The following PPP4R3B variants were observed in gnomAD, a reference collection of about 807,000 sequenced individuals.
PPP4R3B encodes the protein protein phosphatase 4 regulatory subunit 3B.
A neutral mutation model predicts 95.4 loss-of-function variants in PPP4R3B; 52 were observed. The ratio of observed to expected loss-of-function variants is 0.54; its 90% CI spans 0.44 to 0.69. PPP4R3B has a LOEUF of 0.69. Among genes scored for constraint, PPP4R3B ranks in the 30% least tolerant of loss-of-function variants. The pLI is 0.00. For synonymous variants in PPP4R3B, 407 were observed against 343.9 expected (o/e 1.18, Z -2.03); for missense variants, 1,003 against 1,005.9 (o/e 1.00, Z 0.04).
chr2:55,550,156 A>G, intron 16 of PPP4R3B, 150 bp from the exon 17 acceptor site: 2 of 624,924 alleles, frequency 3.2e-6, no homozygotes, highest in Non-Finnish European at 5.5e-6. Flanking sequence ...AACTGCTTGA[A>G]ATTATGAACG....
At chr2:55,570,401 TAAG>T (rs1188814106) in intron 12 of PPP4R3B, among the ~76,000 whole-genome samples, 9 of 152,186 alleles carry the variant, frequency 5.9e-5, no homozygotes, top group East Asian at 1.9e-4. Flanking sequence ...GAGTAATGAA[TAAG>T]AAGTACAACT....
rs1248285433 is a variant in PPP4R3B at position 55,564,345 on chromosome 2, T to G, written c.2228A>C (p.Asp743Ala). Residue 743 changes from aspartate (D) to alanine (A), a missense_variant, in exon 15 of 17, where the codon GAT (aspartate) becomes GCT (alanine). Transcript: ENST00000616407. ...AGTCTCCATAAACTTTTCATAATTATCTGGAAAATCATCTTCTGGCTTAGG... is the reference window on the plus strand; with the variant it reads ...AGTCTCCATAAACTTTTCATAATTAGCTGGAAAATCATCTTCTGGCTTAGG... The part of the protein sequence containing the change: ...EKPKPEDDFP[D>A]NYEKFMETKK... 3 of 1,613,278 alleles carry G rather than the reference T, an allele frequency of 1.9e-6. No homozygotes were observed. In the East Asian group the frequency reaches 6.7e-5, roughly 36 times the overall value.
At chr2:55,557,244 G>C (rs557504623) in intron 16 of PPP4R3B, among the ~76,000 whole-genome samples, 11 of 152,336 alleles carry the variant, frequency 7.2e-5, no homozygotes, top group Non-Finnish European at 1.2e-4. Flanking sequence ...TTAGGCTGGA[G>C]TGCAGTGGCA....
At chr2:55,565,861 A>C (rs1687228672) in intron 13 of PPP4R3B, 1 of 154,974 alleles carries the variant, frequency 6.5e-6, no homozygotes, top group Non-Finnish European at 1.4e-5. Context: ...ACAGAAGAAG[A>C]AAAAACAACA....
chr2:55,606,933 T>G (rs1452035203), intron 2 of PPP4R3B, among the ~76,000 whole-genome samples: 1 of 152,172 alleles, frequency 6.6e-6, no homozygotes, highest in African/African-American at 2.4e-5. Context: ...CTTTGTCCCA[T>G]GGTTGACAGT....
At chr2:55,597,004 T>C (rs1252531114) in intron 4 of PPP4R3B, among the ~76,000 whole-genome samples, 1 of 152,036 alleles carries the variant, frequency 6.6e-6, no homozygotes, top group Non-Finnish European at 1.5e-5. Context: ...CATCGATATA[T>C]ATAATAGGCA....
chr2:55,562,976 TTA>T (rs998609758), intron 15 of PPP4R3B, among the ~76,000 whole-genome samples: 1 of 152,208 alleles, frequency 6.6e-6, no homozygotes, highest in Non-Finnish European at 1.5e-5. Flanking sequence ...TCTGTTTGTG[TTA>T]TGACATAGGT....
chr2:55,578,162 T>C, intron 10 of PPP4R3B, 85 bp downstream of exon 10: 1 of 1,226,194 alleles, frequency 8.2e-7, no homozygotes, highest in South Asian at 4.0e-5. Context: ...TATAGCAACT[T>C]TGAAAACAAG....
At chr2:55,599,214 G>C (rs1224528972) in intron 3 of PPP4R3B, among the ~76,000 whole-genome samples, 175 bp from the exon 4 acceptor site, 2 of 152,236 alleles carry the variant, frequency 1.3e-5, no homozygotes, top group East Asian at 1.9e-4. Context: ...GAGGCAGGCA[G>C]GTCTCTTGAG....
intron 4 of PPP4R3B, among the ~76,000 whole-genome samples, chr2:55,590,711 G>GTT (rs1444734484): frequency 6.6e-6 from 1 of 152,128 alleles, no homozygotes; most frequent in African/African-American, 2.4e-5. Context: ...AAAAAAGTTT[G>GTT]TAACAATAGT....
In PPP4R3B at chr2:55,617,310, A is replaced by T; in HGVS notation, c.-25T>A. On this transcript the variant is annotated 5_prime_UTR_variant, in exon 1 of 17. Coordinates refer to ENST00000616407, the MANE Select transcript of PPP4R3B (RefSeq NM_001122964.3). The stretch of plus-strand genomic sequence containing the variant: ...TGGTGGCTGCTGTCTCCACCGCTCT[A>T]GCCGCCGCCTCCTCGCTTACCTCGT... 2 of 1,555,464 alleles carry T rather than the reference A, an allele frequency of 1.3e-6. No homozygotes were observed. Among genetic ancestry groups the T allele is most frequent in the South Asian group, 1.2e-5 (1 of 86,564 alleles).
chr2:55,592,364 A>G (rs1691150862), intron 4 of PPP4R3B, among the ~76,000 whole-genome samples: 1 of 152,244 alleles, frequency 6.6e-6, no homozygotes, highest in Non-Finnish European at 1.5e-5. Context: ...CAGGTTTCCA[A>G]GTATTTCAAA....
chr2:55,572,977 A>C (rs2104068566), intron 12 of PPP4R3B, among the ~76,000 whole-genome samples: 1 of 152,276 alleles, frequency 6.6e-6, no homozygotes, highest in Middle Eastern at 3.4e-3. Flanking sequence ...AATATAAAAA[A>C]CACAAAAAAA....
chr2:55,581,580 A>T lies in PPP4R3B; in HGVS notation c.1352T>A (p.Leu451Gln). Reference sequence around the variant, plus strand: ...GTAATTTCTTACATTAGTTGTAGCCAGCATGTTCTCTGGATCAATTAGAGT... The same window carrying T: ...GTAATTTCTTACATTAGTTGTAGCCTGCATGTTCTCTGGATCAATTAGAGT... ...LRTLIDPENM[L>Q]ATTNKTEKSE... Residue 451 changes from leucine (L) to glutamine (Q), a missense_variant, in exon 8 of 17, where the codon CTG (leucine) becomes CAG (glutamine). Physicochemically the swap from Leu to Gln is moderately radical, Grantham distance 113 (BLOSUM62 -2). Transcript: ENST00000616407. 1 of 1,612,700 alleles carries T rather than the reference A, an allele frequency of 6.2e-7. No individual in the cohort carries two copies. The highest frequency in any genetic ancestry group is 1.1e-5 in the South Asian group (1 of 90,804).
intron 2 of PPP4R3B, among the ~76,000 whole-genome samples, chr2:55,607,649 G>C (rs1693604389): frequency 1.3e-5 from 2 of 152,086 alleles, no homozygotes; most frequent in Non-Finnish European, 1.5e-5. Context: ...AGTCCTAATG[G>C]GCTTTTATGG....
At chr2:55,570,753 G>A (rs111658966) in intron 12 of PPP4R3B, among the ~76,000 whole-genome samples, 48 of 152,276 alleles carry the variant, frequency 3.2e-4, no homozygotes, top group African/African-American at 1.1e-3. Flanking sequence ...GAATAAAACA[G>A]AAATAGGCCA....
chr2:55,583,032 T>C (rs1316569842), intron 7 of PPP4R3B, among the ~76,000 whole-genome samples: 2 of 152,132 alleles, frequency 1.3e-5, no homozygotes, highest in South Asian at 2.1e-4. Context: ...TCTTAATACA[T>C]ATTTAAATAT....
intron 4 of PPP4R3B, among the ~76,000 whole-genome samples, chr2:55,597,756 A>T (rs1313117059): frequency 6.6e-6 from 1 of 152,196 alleles, no homozygotes; most frequent in African/African-American, 2.4e-5. Flanking sequence ...AGCTGAGATC[A>T]TGCCATTGCA....
chr2:55,568,912 T>G (rs1271962078), intron 12 of PPP4R3B, among the ~76,000 whole-genome samples: 1 of 152,102 alleles, frequency 6.6e-6, no homozygotes, highest in African/African-American at 2.4e-5. Flanking sequence ...AGCTAAAGTG[T>G]GGGCAGCAAG....
Sources: allele counts gnomAD v4.1 joint callset (sites outside exome capture counted in the v4.1 genomes callset), GRCh38; gene constraint gnomAD v4.1.1; transcripts MANE v1.5; gene names NCBI Gene and HGNC (gene_info 2026-07-23, HGNC 2026-07-21).